The following ASS1 variants were observed in gnomAD, a reference collection of about 807,000 sequenced individuals.
ASS1 encodes the protein argininosuccinate synthase 1, also known as argininosuccinate synthase.
Under a neutral mutation model 60.5 loss-of-function variants are expected in ASS1, and 58 were observed. The ratio of observed to expected loss-of-function variants is 0.96; its 90% CI spans 0.78 to 1.19. The LOEUF (loss-of-function observed/expected upper bound fraction) is 1.19, where lower values mean the gene tolerates loss of function less well. Ranked by LOEUF, ASS1 falls within the 50% of genes most tolerant of loss-of-function variation. ASS1 has a pLI of 0.00. For synonymous variants in ASS1, 200 were observed against 206.9 expected, an observed-to-expected ratio of 0.97 and a Z score of 0.29; for missense variants, 454 against 547.3, an observed-to-expected ratio of 0.83 and a Z score of 1.70.
chr9:130,471,638 G>C, intron 8 of ASS1, 123 bp downstream of exon 8: 3 of 1,239,098 alleles, frequency 2.4e-6, no homozygotes, highest in Non-Finnish European at 3.5e-6. Flanking sequence ...CGTGGGGCTG[G>C]GGCCGAGCCC....
In ASS1 at chr9:130,489,029, A is replaced by C. The variant is rs1416525269; in HGVS notation, c.839-304A>C. 6.6e-6 allele frequency among the ~76,000 whole-genome samples: 1 copy of C among 152,068 alleles called. No individual in the cohort carries two copies. Among genetic ancestry groups the C allele is most frequent in the East Asian group, 1.9e-4 (1 of 5,170 alleles). On this transcript the variant is annotated intron_variant, in intron 11 of 14. Coordinates refer to ENST00000352480, the MANE Select transcript of ASS1 (RefSeq NM_054012.4). This position sits in a 1 kb window ranked among gnomAD's most constrained non-coding sequence, Gnocchi z 4.1. Reference sequence around the variant, plus strand: ...GGCTTTCAACCTCGGGCCGGTGGGCACGCATGGGGAGGGAGGGGTTGCTGC... The same window carrying C: ...GGCTTTCAACCTCGGGCCGGTGGGCCCGCATGGGGAGGGAGGGGTTGCTGC...
intron 4 of ASS1, among the ~76,000 whole-genome samples, chr9:130,460,728 G>A (rs1209835807): frequency 6.6e-6 from 1 of 152,176 alleles, no homozygotes; most frequent in Non-Finnish European, 1.5e-5. Flanking sequence ...CATCCTGAGG[G>A]CAACTGATTA....
intron 13 of ASS1, among the ~76,000 whole-genome samples, chr9:130,498,881 A>G (rs570147100): frequency 6.6e-6 from 1 of 152,318 alleles, no homozygotes; most frequent in East Asian, 1.9e-4. Context: ...GAAACTGTAG[A>G]GAGGTAAAAT....
chr9:130,472,615 A>C (rs1056457520), intron 8 of ASS1, among the ~76,000 whole-genome samples: 26 of 152,100 alleles, frequency 1.7e-4, no homozygotes, highest in African/African-American at 6.3e-4. Context: ...CTCCCTGTCC[A>C]AACCTGTCAC....
intron 11 of ASS1, among the ~76,000 whole-genome samples, chr9:130,486,693 A>G (rs1043188324): frequency 6.6e-5 from 10 of 152,188 alleles, no homozygotes; most frequent in Admixed American, 3.9e-4. Flanking sequence ...GCCCCCACCA[A>G]TGAAGCGGGA....
chr9:130,454,314 G>T lies in ASS1; in HGVS notation c.115G>T (p.Gly39Cys). 1 of 1,611,818 alleles carries T rather than the reference G, an allele frequency of 6.2e-7. No individual in the cohort carries two copies. ...YDVIAYLANI[G>C]QKEDFEEARK... ...CGCTTCTGCTTCTCAGGCCAACATTGGCCAGAAGGAAGACTTCGAGGAAGC... is the reference window on the plus strand; with the variant it reads ...CGCTTCTGCTTCTCAGGCCAACATTTGCCAGAAGGAAGACTTCGAGGAAGC... The change falls in exon 3 of 15, where the codon GGC (glycine) becomes TGC (cysteine). Residue 39 changes from glycine to cysteine, a missense_variant. By Grantham distance (159) the Gly-to-Cys change is radical (BLOSUM62 -3). Coordinates refer to ENST00000352480, the MANE Select transcript of ASS1 (RefSeq NM_054012.4).
In ASS1 at chr9:130,479,814, G is replaced by A. The variant is rs1426343125; in HGVS notation, c.773+14G>A. 1 of 1,610,852 alleles carries A rather than the reference G, an allele frequency of 6.2e-7. No individual in the cohort carries two copies. Among genetic ancestry groups the A allele is most frequent in the Non-Finnish European group, 8.5e-7 (1 of 1,177,118 alleles). On this transcript the variant is annotated intron_variant, in intron 10 of 14. Transcript: ENST00000352480. ...GAACGAAGTCGCGTGAGTGTCTGCA[G>A]CCCTGTCCGGCCTCTTGGGAACCGC...
Position 130,488,111 on chromosome 9 carries a change from G to T in ASS1, c.839-1222G>T, listed in dbSNP as rs1056375536. 2.6e-4 allele frequency among the ~76,000 whole-genome samples: 39 copies of T among 152,022 alleles called. No homozygotes were observed. Among genetic ancestry groups the T allele is most frequent in the African/African-American group, 8.4e-4 (35 of 41,428 alleles). Reference sequence around the variant, plus strand: ...CCATCGTATGGATGGACTGCATTTTGCTTCTTCACTCATCCCTCGATGGAC... The same window carrying T: ...CCATCGTATGGATGGACTGCATTTTTCTTCTTCACTCATCCCTCGATGGAC... On this transcript the variant is annotated intron_variant, in intron 11 of 14. Transcript: ENST00000352480. This position sits in a 1 kb window ranked among gnomAD's most constrained non-coding sequence, Gnocchi z 5.2.
At chr9:130,473,570 C>A (rs957996129) in intron 8 of ASS1, among the ~76,000 whole-genome samples, 17 of 152,308 alleles carry the variant, frequency 1.1e-4, no homozygotes, top group Admixed American at 5.2e-4. Context: ...TCCCCAAGGG[C>A]TTTGTGCTGA....
chr9:130,451,999 C>T (rs1443329766), intron 1 of ASS1: 2 of 671,312 alleles, frequency 3.0e-6, no homozygotes, highest in South Asian at 3.0e-5. Flanking sequence ...GTCAGCATTC[C>T]CAGGCCCCAG....
intron 3 of ASS1, among the ~76,000 whole-genome samples, chr9:130,455,253 T>G (rs1379161752): frequency 6.6e-6 from 1 of 151,458 alleles, no homozygotes; most frequent in East Asian, 2.0e-4. Flanking sequence ...CATTCATCCA[T>G]CCATCATCTA....
At chr9:130,497,778 C>T (rs956642931) in intron 13 of ASS1, among the ~76,000 whole-genome samples, 3 of 152,254 alleles carry the variant, frequency 2.0e-5, no homozygotes, top group Admixed American at 6.5e-5. Flanking sequence ...CTGTGTCCTA[C>T]GTTCTCCCTG....
At chr9:130,461,911 TGGG>T (rs1205859874) in intron 4 of ASS1, among the ~76,000 whole-genome samples, 1 of 152,090 alleles carries the variant, frequency 6.6e-6, no homozygotes, top group Non-Finnish European at 1.5e-5. Flanking sequence ...AGTGAAATGT[TGGG>T]GGGACAACGG....
At chr9:130,464,884 C>T (rs923482450) in intron 5 of ASS1, among the ~76,000 whole-genome samples, 9 of 151,948 alleles carry the variant, frequency 5.9e-5, no homozygotes, top group African/African-American at 2.2e-4. Context: ...CACTCAGCTC[C>T]AGGGGTGCCG....
rs1845524902 is a variant in ASS1 at position 130,459,230 on chromosome 9, C to G, written c.363+641C>G. 6.6e-6 allele frequency among the ~76,000 whole-genome samples: 1 copy of G among 152,180 alleles called. No homozygotes were observed. Among genetic ancestry groups the G allele is most frequent in the Admixed American group, 6.5e-5 (1 of 15,280 alleles). On this transcript the variant is annotated intron_variant, in intron 4 of 14. Transcript: ENST00000352480. This position sits in a 1 kb window ranked among gnomAD's most constrained non-coding sequence, Gnocchi z 4.6. ...GGAAGCCTCCGGCTCAGGCCTCTCT[C>G]CAGCTTCCAGTGGCCTCTGGTGTCC...
intron 8 of ASS1, among the ~76,000 whole-genome samples, chr9:130,474,467 A>C (rs1845964602): frequency 6.6e-6 from 1 of 152,172 alleles, no homozygotes; most frequent in South Asian, 2.1e-4. Flanking sequence ...GGCCCAGCGC[A>C]GGTGGAGGTG....
intron 5 of ASS1, among the ~76,000 whole-genome samples, chr9:130,466,323 C>T (rs906725698): frequency 1.3e-5 from 2 of 152,138 alleles, no homozygotes; most frequent in East Asian, 1.9e-4. Flanking sequence ...CCCGACCACA[C>T]GTGGGGCCAG....
chr9:130,456,830 G>T (rs955986974), intron 3 of ASS1, among the ~76,000 whole-genome samples: 2 of 151,980 alleles, frequency 1.3e-5, no homozygotes, highest in African/African-American at 4.8e-5. Context: ...GGAGGCTGAG[G>T]CAGGAGAATC....
chr9:130,463,071 C>T (rs1845642346), intron 4 of ASS1, among the ~76,000 whole-genome samples: 1 of 152,280 alleles, frequency 6.6e-6, no homozygotes, highest in African/African-American at 2.4e-5. Flanking sequence ...GCACACACAG[C>T]TCCCAGCTCT....
Sources: allele counts gnomAD v4.1 joint callset (sites outside exome capture counted in the v4.1 genomes callset), GRCh38; gene constraint gnomAD v4.1.1; non-coding constraint Gnocchi (gnomAD v3.1); transcripts MANE v1.5; gene names NCBI Gene and HGNC (gene_info 2026-07-23, HGNC 2026-07-21).